Variants in KCND2 observed in about 807,000 individuals in gnomAD.
KCND2 encodes the protein A-type voltage-gated potassium channel KCND2.
In KCND2, 16 loss-of-function variants were observed where a neutral mutation model predicts 54.4. The observed-to-expected ratio is 0.29, with a 90% CI of 0.20 to 0.45. The LOEUF is 0.45. Ranked by LOEUF, KCND2 falls within the 20% of genes least tolerant of loss-of-function variation. KCND2 has a pLI of 1.00. For missense variants in KCND2, 486 were observed against 824.2 expected (o/e 0.59, Z 5.02); for synonymous variants, 317 against 310.7 (o/e 1.02, Z -0.21).
chr7:120,331,243 G>T (rs58770951), intron 1 of KCND2, among the ~76,000 whole-genome samples: 3,245 of 151,962 alleles, frequency 0.021, 131 homozygotes, highest in African/African-American at 0.074. Flanking sequence ...TAAATTAAAA[G>T]AAAGAAAAAG....
chr7:120,525,557 A>G (rs779251244), intron 1 of KCND2, among the ~76,000 whole-genome samples: 1 of 152,194 alleles, frequency 6.6e-6, no homozygotes, highest in African/African-American at 2.4e-5. Flanking sequence ...CTGGCAGGAA[A>G]TCCCAGTCTT....
chr7:120,569,196 G>C (rs1363905643), intron 1 of KCND2, among the ~76,000 whole-genome samples: 1 of 152,046 alleles, frequency 6.6e-6, no homozygotes, highest in Non-Finnish European at 1.5e-5. Flanking sequence ...ATATCTTCCA[G>C]TTGTCATCTT....
intron 1 of KCND2, among the ~76,000 whole-genome samples, chr7:120,549,817 T>A (rs1792084913): frequency 6.6e-6 from 1 of 152,150 alleles, no homozygotes; most frequent in Admixed American, 6.5e-5. Flanking sequence ...GTAATGAAAA[T>A]ATCATCTTAG....
At chr7:120,687,491 T>G (rs1388318981) in intron 1 of KCND2, among the ~76,000 whole-genome samples, 1 of 152,170 alleles carries the variant, frequency 6.6e-6, no homozygotes, top group East Asian at 1.9e-4. Context: ...TAGCTTGATT[T>G]AACCACTCTA....
At chr7:120,435,260 C>G (rs1437400510) in intron 1 of KCND2, among the ~76,000 whole-genome samples, 2 of 148,222 alleles carry the variant, frequency 1.3e-5, no homozygotes, top group Non-Finnish European at 3.0e-5. Flanking sequence ...GCGTGCACCA[C>G]CATGCCTGGC....
chr7:120,737,075 C>CACACACAA (rs1339876894), intron 2 of KCND2, among the ~76,000 whole-genome samples: 51 of 112,960 alleles, frequency 4.5e-4, no homozygotes, highest in African/African-American at 1.8e-3. Context: ...CACACACACA[C>CACACACAA]AAACAAAAAA....
intron 1 of KCND2, among the ~76,000 whole-genome samples, chr7:120,333,490 A>G (rs1338218013): frequency 6.6e-6 from 1 of 152,112 alleles, no homozygotes. Context: ...CATTTGTTCA[A>G]AAACAGCACA....
At chr7:120,378,103 G>A (rs985710620) in intron 1 of KCND2, among the ~76,000 whole-genome samples, 1 of 151,834 alleles carries the variant, frequency 6.6e-6, no homozygotes, top group Non-Finnish European at 1.5e-5. Flanking sequence ...GAACATTTAA[G>A]GCAAACAAAT....
chr7:120,573,445 A>T (rs1792389978), intron 1 of KCND2, among the ~76,000 whole-genome samples: 1 of 152,184 alleles, frequency 6.6e-6, no homozygotes, highest in Non-Finnish European at 1.5e-5. Context: ...TTTCTATAGC[A>T]CTGCAGACTG....
chr7:120,655,429 A>G (rs1201515836), intron 1 of KCND2, among the ~76,000 whole-genome samples: 1 of 152,092 alleles, frequency 6.6e-6, no homozygotes, highest in African/African-American at 2.4e-5. Flanking sequence ...TAAAAAAATA[A>G]TTATTATACT....
intron 1 of KCND2, among the ~76,000 whole-genome samples, chr7:120,601,031 G>A (rs1208674948): frequency 2.0e-5 from 3 of 151,966 alleles, no homozygotes; most frequent in African/African-American, 7.2e-5. Context: ...CAGATAATAT[G>A]TTTTAATAAC....
At chr7:120,417,123 A>G (rs1584770122) in intron 1 of KCND2, among the ~76,000 whole-genome samples, 1 of 152,236 alleles carries the variant, frequency 6.6e-6, no homozygotes, top group Admixed American at 6.5e-5. Context: ...CTGGGATTAC[A>G]GGTGTGAGCT....
At chr7:120,669,118 T>G (rs1371358458) in intron 1 of KCND2, among the ~76,000 whole-genome samples, 1 of 152,024 alleles carries the variant, frequency 6.6e-6, no homozygotes, top group Non-Finnish European at 1.5e-5. Context: ...TAAATAGGAC[T>G]TAATAAACAG....
At chr7:120,404,838 A>G (rs190452479) in intron 1 of KCND2, among the ~76,000 whole-genome samples, 2 of 152,238 alleles carry the variant, frequency 1.3e-5, no homozygotes, top group Admixed American at 1.3e-4. Context: ...TTTCACAAAT[A>G]TTGATGGAGC....
intron 1 of KCND2, among the ~76,000 whole-genome samples, chr7:120,334,157 G>A (rs977353203): frequency 8.5e-5 from 13 of 152,144 alleles, no homozygotes; most frequent in Admixed American, 7.9e-4. Context: ...GGTAACAGGG[G>A]TCTTGAATCC....
intron 1 of KCND2, among the ~76,000 whole-genome samples, chr7:120,405,132 AT>A (rs1331565151): frequency 6.6e-6 from 1 of 151,842 alleles, no homozygotes; most frequent in Non-Finnish European, 1.5e-5. Flanking sequence ...AAAGATCTAC[AT>A]TTTTTTTCAA....
Position 120,545,509 on chromosome 7 carries a change from A to G in KCND2, c.1116-187394A>G, listed in dbSNP as rs1222066967. On this transcript the variant is annotated intron_variant, in intron 1 of 5. Coordinates refer to ENST00000331113, the MANE Select transcript of KCND2 (RefSeq NM_012281.3). ...ATTCTGTTAAGCTCTATTCTTGAAG[A>G]TGAAATAGATCCCAGGTCAGCAATG... Among the ~76,000 whole-genome samples, 6 of 151,936 alleles carry G rather than the reference A, an allele frequency of 3.9e-5. No individual in the cohort carries two copies. The South Asian group carries it at 1.2e-3, about 31-fold the overall frequency.
rs927105767 is a variant in KCND2 at position 120,454,083 on chromosome 7, CAAAAG to C, written c.1115+178340_1115+178344del. ...TGGGTGACAGAGCGAGACTCCGTCTCAAAAGAAAGAAATAAATAAAAAGTTAAAAA... is the reference window on the plus strand; with the variant it reads ...TGGGTGACAGAGCGAGACTCCGTCTCAAAGAAATAAATAAAAAGTTAAAAA... On this transcript the variant is annotated intron_variant, in intron 1 of 5. Transcript: ENST00000331113. Among the ~76,000 whole-genome samples, 21 of 152,156 alleles carry C rather than the reference CAAAAG, an allele frequency of 1.4e-4. No homozygotes were observed. The South Asian group carries it at 2.1e-3, about 15-fold the overall frequency.
At chr7:120,699,281 CA>C (rs201668632) in intron 1 of KCND2, among the ~76,000 whole-genome samples, 145 of 138,368 alleles carry the variant, frequency 1.0e-3, no homozygotes, top group South Asian at 1.6e-3. Flanking sequence ...GACTCCATCT[CA>C]AAAAAAAAAA....
Sources: allele counts gnomAD v4.1 joint callset (sites outside exome capture counted in the v4.1 genomes callset), GRCh38; gene constraint gnomAD v4.1.1; transcripts MANE v1.5; gene names NCBI Gene and HGNC (gene_info 2026-07-23, HGNC 2026-07-21).